ZDHHC15: variants seen among roughly 807,000 people sequenced by gnomAD.
ZDHHC15 encodes the protein palmitoyltransferase ZDHHC15.
A neutral mutation model predicts 31.7 loss-of-function variants in ZDHHC15; 19 were observed. The ratio of observed to expected loss-of-function variants is 0.60; its 90% CI spans 0.42 to 0.88. The LOEUF is 0.88. Among genes scored for constraint, ZDHHC15 ranks in the 40% least tolerant of loss-of-function variants. The probability of loss-of-function intolerance (pLI) is 0.00; values close to 1 mark genes in which losing one functional copy is unlikely to be tolerated. For synonymous variants in ZDHHC15, 103 were observed against 90.0 expected (o/e 1.14, Z -0.82); for missense variants, 209 against 251.2 (o/e 0.83, Z 1.14).
chrX:75,429,180 T>C lies in ZDHHC15; in HGVS notation c.501A>G (p.Gly167=), dbSNP rs1268423644. ...HHCPWVNNCI[G]FSNYKFFLQF... is the part of the protein sequence containing the mutation. ...GAAGGAAGAATTTGTAGTTGGAAAA[T>C]CCAATGCAGTTATTAACCCTAAAAA... The change falls in exon 7 of 12, where the codon GGA becomes GGG. Residue 167 remains glycine, a synonymous_variant. Coordinates refer to ENST00000373367, the MANE Select transcript of ZDHHC15 (RefSeq NM_144969.3). 8.3e-7 allele frequency: 1 copy of C among 1,204,215 alleles called. No individual in the cohort carries two copies. The highest frequency in any genetic ancestry group is 1.1e-6 in the Non-Finnish European group (1 of 893,093).
intron 3 of ZDHHC15, among the ~76,000 whole-genome samples, chrX:75,471,254 A>G (rs1291224546): frequency 1.8e-5 from 2 of 112,242 alleles, no homozygotes; most frequent in Non-Finnish European, 3.8e-5. Flanking sequence ...CTACCTTAGG[A>G]GTATATCAAC....
chrX:75,387,796 T>A (rs756022755), intron 10 of ZDHHC15, among the ~76,000 whole-genome samples: 2 of 111,684 alleles, frequency 1.8e-5, no homozygotes, highest in South Asian at 7.5e-4. Context: ...AATATCCAGG[T>A]ATAAGAAGGT....
At chrX:75,417,227 G>T in intron 9 of ZDHHC15, 37 bp from the exon 10 acceptor site, 1 of 1,005,150 alleles carries the variant, frequency 9.9e-7, no homozygotes, top group South Asian at 2.1e-5. Context: ...TATTGCAGCT[G>T]ACATAGACTT....
At position 75,518,241 on chromosome X, in the gene ZDHHC15, C is replaced by G. The variant is rs2085390692; in HGVS notation, c.136+4648G>C. ...ACGTATCTGATAAAGATCAAGTATT[C>G]AGAACATGCAAAAAATATTAAAATT... On this transcript the variant is annotated intron_variant, in intron 1 of 11. Transcript: ENST00000373367. 2.7e-5 allele frequency among the ~76,000 whole-genome samples: 3 copies of G among 111,172 alleles called. No individual in the cohort carries two copies. In the South Asian group the frequency reaches 1.1e-3, roughly 41 times the overall value.
chrX:75,377,063 C>T (rs1408394649), intron 11 of ZDHHC15, among the ~76,000 whole-genome samples: 2 of 111,350 alleles, frequency 1.8e-5, no homozygotes, highest in Middle Eastern at 4.7e-3. Flanking sequence ...TACTGATAGA[C>T]ATTCAGGTTG....
intron 4 of ZDHHC15, among the ~76,000 whole-genome samples, chrX:75,450,110 T>TA (rs1474491851): frequency 1.8e-5 from 2 of 111,762 alleles, no homozygotes; most frequent in Admixed American, 1.9e-4. Flanking sequence ...TACACAGCAA[T>TA]AAAAAAATAC....
chrX:75,450,895 G>C lies in ZDHHC15; in HGVS notation c.286C>G (p.Arg96Gly). ...TCAGGTCTTTCTTCATTTTCATAGC[G>C]CTCCTTGTCTGTGTAGGACAAGTGG... Reference protein sequence around the residue: ...KFHLSYTDKERYENEERPEVQ... With the variant: ...KFHLSYTDKEGYENEERPEVQ... The change falls in exon 4 of 12, where the codon CGC becomes GGC. Residue 96 changes from arginine (R) to glycine (G), a missense_variant. By Grantham distance (125) the Arg-to-Gly change is moderately radical. Transcript: ENST00000373367. 2 of 1,209,480 alleles carry C rather than the reference G, an allele frequency of 1.7e-6. No homozygotes were observed. Among genetic ancestry groups the C allele is most frequent in the Non-Finnish European group, 2.2e-6 (2 of 894,119 alleles).
At chrX:75,455,817 C>T (rs1392528298) in intron 3 of ZDHHC15, among the ~76,000 whole-genome samples, 1 of 112,101 alleles carries the variant, frequency 8.9e-6, no homozygotes, top group Non-Finnish European at 1.9e-5. Flanking sequence ...AATGAGATAC[C>T]ATCTCATGCC....
At chrX:75,382,938 C>A (rs548914167) in intron 10 of ZDHHC15, among the ~76,000 whole-genome samples, 1 of 111,834 alleles carries the variant, frequency 8.9e-6, no homozygotes, top group Non-Finnish European at 1.9e-5. Context: ...AACTTAGTGG[C>A]AGAGGTGGGA....
intron 3 of ZDHHC15, among the ~76,000 whole-genome samples, chrX:75,455,999 C>T (rs940837486): frequency 1.8e-5 from 2 of 111,436 alleles, no homozygotes; most frequent in Admixed American, 9.6e-5. Flanking sequence ...CATCCCATTA[C>T]TGGGTATATA....
chrX:75,481,127 T>C (rs1236896085), intron 2 of ZDHHC15, among the ~76,000 whole-genome samples: 6 of 111,463 alleles, frequency 5.4e-5, no homozygotes, highest in Admixed American at 4.8e-4. Context: ...TGTTATCTTT[T>C]GCAATTTTTT....
chrX:75,454,656 G>A (rs773628567), intron 3 of ZDHHC15, among the ~76,000 whole-genome samples: 49 of 111,560 alleles, frequency 4.4e-4, no homozygotes, highest in Non-Finnish European at 7.9e-4. Flanking sequence ...TCTCATTGTG[G>A]TTTTGATTTG....
intron 2 of ZDHHC15, among the ~76,000 whole-genome samples, chrX:75,491,272 T>G (rs369910488): frequency 9.1e-6 from 1 of 110,126 alleles, no homozygotes; most frequent in South Asian, 4.0e-4. Context: ...GTGGCACATA[T>G]ACACCATGGA....
At chrX:75,387,757 C>G (rs1277718151) in intron 10 of ZDHHC15, among the ~76,000 whole-genome samples, 2 of 111,648 alleles carry the variant, frequency 1.8e-5, no homozygotes, top group African/African-American at 6.5e-5. Flanking sequence ...TAAATAATAA[C>G]AAAAACTTTC....
intron 1 of ZDHHC15, among the ~76,000 whole-genome samples, chrX:75,506,742 C>A (rs765675369): frequency 1.8e-5 from 2 of 112,355 alleles, no homozygotes; most frequent in Non-Finnish European, 3.8e-5. Flanking sequence ...TGCATGACTG[C>A]ATTGGTTCCA....
chrX:75,502,432 G>C (rs1332563247), intron 2 of ZDHHC15, among the ~76,000 whole-genome samples: 1 of 111,829 alleles, frequency 8.9e-6, no homozygotes, highest in East Asian at 2.8e-4. Flanking sequence ...TAACAGTTCT[G>C]TTATTTAGAA....
chrX:75,410,380 AG>A (rs946809346), intron 10 of ZDHHC15, among the ~76,000 whole-genome samples: 1 of 111,790 alleles, frequency 8.9e-6, no homozygotes, highest in African/African-American at 3.2e-5. Flanking sequence ...AGAAAAAAAA[AG>A]AAAAGAAAAA....
intron 4 of ZDHHC15, among the ~76,000 whole-genome samples, chrX:75,443,079 C>G (rs1446665531): frequency 1.8e-5 from 2 of 110,435 alleles, no homozygotes; most frequent in African/African-American, 3.3e-5. Context: ...CATCAAGCTA[C>G]CAATGACTTT....
At chrX:75,495,393 A>G (rs1259809686) in intron 2 of ZDHHC15, among the ~76,000 whole-genome samples, 2 of 111,511 alleles carry the variant, frequency 1.8e-5, no homozygotes, top group African/African-American at 6.5e-5. Context: ...GGGATCTAGA[A>G]CTAGAAATAG....
Sources: gnomAD v4.1 joint callset for allele counts (sites outside exome capture counted in the v4.1 genomes callset) on GRCh38, gnomAD v4.1.1 for gene constraint, MANE v1.5 for transcripts, NCBI Gene and HGNC (gene_info 2026-07-23, HGNC 2026-07-21) for gene names.